ZNF564: variants seen among roughly 807,000 people sequenced by gnomAD.
The protein encoded by ZNF564 is zinc finger protein 564.
A neutral mutation model predicts 10.5 loss-of-function variants in ZNF564; 5 were observed. The ratio of observed to expected loss-of-function variants is 0.48; its 90% CI spans 0.25 to 1.00. The LOEUF (loss-of-function observed/expected upper bound fraction) is 1.00. Among genes scored for constraint, ZNF564 ranks in the 50% least tolerant of loss-of-function variants. The pLI, the probability that ZNF564 is intolerant of heterozygous loss-of-function variation, is 0.16. For missense variants in ZNF564, 603 were observed against 669.7 expected, an observed-to-expected ratio of 0.90 and a Z score of 1.10; for synonymous variants, 242 against 218.1, an observed-to-expected ratio of 1.11 and a Z score of -0.97.
At chr19:12,537,088 G>T (rs2021931057) in intron 1 of ZNF564, among the ~76,000 whole-genome samples, 1 of 152,094 alleles carries the variant, frequency 6.6e-6, no homozygotes, top group South Asian at 2.1e-4. Flanking sequence ...GTATGTGACT[G>T]GCTTCATTAT....
chr19:12,551,287 A>G (rs765482858), intron 1 of ZNF564, 43 bp downstream of exon 1: 11 of 1,595,942 alleles, frequency 6.9e-6, no homozygotes, highest in Non-Finnish European at 9.4e-6. Flanking sequence ...GGTTCCCACA[A>G]GCCCCTCCCC....
chr19:12,531,854 G>C (rs2021807796), intron 1 of ZNF564, among the ~76,000 whole-genome samples: 1 of 152,156 alleles, frequency 6.6e-6, no homozygotes, highest in Non-Finnish European at 1.5e-5. Flanking sequence ...AATGTCAATA[G>C]TCCAAATATA....
intron 1 of ZNF564, among the ~76,000 whole-genome samples, chr19:12,534,724 G>C (rs939105018): frequency 6.6e-5 from 10 of 152,180 alleles, no homozygotes; most frequent in Non-Finnish European, 1.2e-4. Context: ...TGAAGCAGGA[G>C]AATTGTCTGA....
intron 1 of ZNF564, among the ~76,000 whole-genome samples, chr19:12,537,506 A>AG (rs1201882607): frequency 3.9e-5 from 6 of 152,132 alleles, no homozygotes; most frequent in African/African-American, 7.2e-5. Context: ...TGGGAGGTCG[A>AG]GGGGGGCGGA....
chr19:12,548,257 G>C (rs917110364), intron 1 of ZNF564: 1 of 891,360 alleles, frequency 1.1e-6, no homozygotes, highest in Non-Finnish European at 1.3e-6. Context: ...TAGCTCTGTC[G>C]CCCAGGCTGG....
chr19:12,549,704 C>G (rs2022216776), intron 1 of ZNF564, among the ~76,000 whole-genome samples: 1 of 152,080 alleles, frequency 6.6e-6, no homozygotes, highest in African/African-American at 2.4e-5. Flanking sequence ...GAAGGGGATA[C>G]CGGGAGACTC....
intron 1 of ZNF564, among the ~76,000 whole-genome samples, chr19:12,533,726 C>CA (rs1568263279): frequency 1.0e-3 from 10 of 10,040 alleles, no homozygotes; most frequent in African/African-American, 4.4e-3. Flanking sequence ...GCTGCTGTCT[C>CA]CAAAAAAAAA....
At chr19:12,541,162 G>A (rs2022041776) in intron 1 of ZNF564, among the ~76,000 whole-genome samples, 1 of 151,274 alleles carries the variant, frequency 6.6e-6, no homozygotes, top group Admixed American at 6.6e-5. Context: ...GAGGGAGGAG[G>A]ATCACCTGAG....
chr19:12,536,906 T>C (rs2021926686), intron 1 of ZNF564, among the ~76,000 whole-genome samples: 1 of 152,204 alleles, frequency 6.6e-6, no homozygotes, highest in Admixed American at 6.6e-5. Flanking sequence ...ATATGTGCAA[T>C]CATAATCACA....
At chr19:12,528,124 A>G (rs1031766127) in intron 3 of ZNF564, among the ~76,000 whole-genome samples, 180 bp downstream of exon 3, 4 of 152,204 alleles carry the variant, frequency 2.6e-5, no homozygotes, top group African/African-American at 9.6e-5. Context: ...GTTTCTTAAT[A>G]CTATTTCCAA....
intron 1 of ZNF564, among the ~76,000 whole-genome samples, chr19:12,543,752 G>GTTAGAAAA (rs1401079875): frequency 6.6e-6 from 1 of 151,000 alleles, no homozygotes; most frequent in East Asian, 1.9e-4. Context: ...ACAGTACACT[G>GTTAGAAAA]TTAGAAAATG....
At chr19:12,537,768 G>T (rs971674157) in intron 1 of ZNF564, among the ~76,000 whole-genome samples, 1 of 150,280 alleles carries the variant, frequency 6.7e-6, no homozygotes. Flanking sequence ...AAAAAGAAAA[G>T]AAAATGTTTT....
At chr19:12,548,981 TC>T (rs1288548483) in intron 1 of ZNF564, 1 of 666,024 alleles carries the variant, frequency 1.5e-6, no homozygotes, top group Non-Finnish European at 2.7e-6. Flanking sequence ...GAGATTCTTA[TC>T]CGCAGTAGCA....
rs1409605825 is a variant in ZNF564, at chr19:12,526,532, C to G, written c.1576G>C (p.Ala526Pro). The change falls in exon 4 of 4, where the codon GCT (alanine) becomes CCT (proline). Residue 526 changes from alanine (A) to proline (P), a missense_variant. Ala to Pro is a conservative substitution (Grantham distance 27). Coordinates refer to ENST00000339282, the MANE Select transcript of ZNF564 (RefSeq NM_144976.4). ...ACGTAAGGTTTATCTCCATTATGAG[C>G]TCTTTCATGTCTTTGAAAGGAACTG... ...YSSSFQRHER[A>P]HNGDKPYVKN... 6.2e-7 allele frequency: 1 copy of G among 1,613,468 alleles called. No homozygotes were observed. The highest frequency in any genetic ancestry group is 8.5e-7 in the Non-Finnish European group (1 of 1,179,916).
chr19:12,546,962 C>T (rs2022167255), intron 1 of ZNF564, among the ~76,000 whole-genome samples: 1 of 152,148 alleles, frequency 6.6e-6, no homozygotes, highest in Non-Finnish European at 1.5e-5. Context: ...AGACTAACCT[C>T]AGGAAAAATA....
rs763801552 is a variant in ZNF564 at position 12,528,292 on chromosome 19, A to T, written c.191+12T>A. 5.0e-6 allele frequency: 8 copies of T among 1,604,772 alleles called. No individual in the cohort carries two copies. In the South Asian group the frequency reaches 9.0e-5, roughly 18 times the overall value. On this transcript the variant is annotated intron_variant, in intron 3 of 3. Transcript: ENST00000339282. ...GAAGGAGACATTGCTTTATCTTGTCAGTGCAAATTACCTTAAAATTCTCCC... is the reference window on the plus strand; with the variant it reads ...GAAGGAGACATTGCTTTATCTTGTCTGTGCAAATTACCTTAAAATTCTCCC...
intron 1 of ZNF564, among the ~76,000 whole-genome samples, chr19:12,537,734 G>A (rs1338936877): frequency 4.7e-5 from 5 of 107,386 alleles, no homozygotes; most frequent in Non-Finnish European, 7.9e-5. Flanking sequence ...GTGAAACTCC[G>A]TCTCAAAAAA....
At chr19:12,539,704 A>G (rs1734814299) in intron 1 of ZNF564, among the ~76,000 whole-genome samples, 3 of 150,240 alleles carry the variant, frequency 2.0e-5, no homozygotes, top group African/African-American at 7.3e-5. Context: ...GGCCAGGCGC[A>G]GTGGCTCACG....
At position 12,546,991 on chromosome 19, in the gene ZNF564, G is replaced by A. The variant is rs148323141; in HGVS notation, c.3+4339C>T. 7.0e-4 allele frequency among the ~76,000 whole-genome samples: 106 copies of A among 152,128 alleles called. No individual in the cohort carries two copies. The East Asian group carries it at 0.012, about 17-fold the overall frequency. On this transcript the variant is annotated intron_variant, in intron 1 of 3. Transcript: ENST00000339282. ...AAAAATATTCTCTGACCTAGGATCC[G>A]ATTTTGCACTTTCCACTCTGCCCTC...
Sources: allele counts gnomAD v4.1 joint callset (sites outside exome capture counted in the v4.1 genomes callset), GRCh38; gene constraint gnomAD v4.1.1; transcripts MANE v1.5; gene names NCBI Gene and HGNC (gene_info 2026-07-23, HGNC 2026-07-21).